The following P2RY14 variants were observed in gnomAD, a reference collection of about 807,000 sequenced individuals.
P2RY14 encodes P2Y purinoceptor 14.
Under a neutral mutation model 0.9 loss-of-function variants are expected in P2RY14, and 2 were observed. That is an observed-to-expected ratio of 2.16 (90% confidence interval 0.88 to 6.79). The LOEUF (loss-of-function observed/expected upper bound fraction) is 6.79, where lower values mean the gene tolerates loss of function less well. Ranked by LOEUF, P2RY14 falls within the 30% of genes most tolerant of loss-of-function variation. P2RY14 has a pLI of 0.05. For synonymous variants in P2RY14, 158 were observed against 147.2 expected (o/e 1.07, Z -0.53); for missense variants, 378 against 400.1 (o/e 0.94, Z 0.47).
intron 1 of P2RY14, among the ~76,000 whole-genome samples, chr3:151,264,077 C>T (rs1739401105): frequency 6.6e-6 from 1 of 152,162 alleles, no homozygotes. Flanking sequence ...AGTAGTTCTA[C>T]TTCATTTCAC....
intron 1 of P2RY14, among the ~76,000 whole-genome samples, chr3:151,219,897 C>G (rs1004173435): frequency 2.9e-5 from 4 of 136,604 alleles, no homozygotes; most frequent in Non-Finnish European, 6.3e-5. Context: ...TATTACCCCC[C>G]CCCCCCCCTT....
intron 1 of P2RY14, among the ~76,000 whole-genome samples, chr3:151,271,819 A>T (rs1473555600): frequency 6.6e-6 from 1 of 152,196 alleles, no homozygotes; most frequent in Non-Finnish European, 1.5e-5. Context: ...TAATACTGGT[A>T]GAACTAAGCT....
chr3:151,242,622 A>G (rs1015092789), intron 1 of P2RY14, among the ~76,000 whole-genome samples: 2 of 152,198 alleles, frequency 1.3e-5, no homozygotes, highest in African/African-American at 4.8e-5. Context: ...TCTGTACATC[A>G]CCATCATCAA....
At chr3:151,261,757 C>T (rs1452267183) in intron 1 of P2RY14, among the ~76,000 whole-genome samples, 1 of 151,738 alleles carries the variant, frequency 6.6e-6, no homozygotes, top group Admixed American at 6.6e-5. Flanking sequence ...CAGAGTCTTG[C>T]TGTGTCATCC....
chr3:151,214,566 C>T (rs138902645), intron 2 of P2RY14, among the ~76,000 whole-genome samples: 2 of 148,528 alleles, frequency 1.3e-5, no homozygotes, highest in African/African-American at 5.0e-5. Flanking sequence ...CCTTTACCCA[C>T]CAACCCCCAC....
intron 1 of P2RY14, among the ~76,000 whole-genome samples, chr3:151,253,271 A>G (rs1362549679): frequency 6.6e-6 from 1 of 152,180 alleles, no homozygotes; most frequent in Non-Finnish European, 1.5e-5. Flanking sequence ...ATTGAGAGGC[A>G]CGTATACTGC....
chr3:151,213,586 A>G lies in P2RY14; in HGVS notation c.731T>C (p.Val244Ala). Residue 244 changes from valine (V) to alanine (A), a missense_variant, in exon 3 of 3, where the codon GTC (valine) becomes GCC (alanine). Physicochemically the swap from Val to Ala is moderately conservative, Grantham distance 64. Coordinates refer to ENST00000309170, the MANE Select transcript of P2RY14 (RefSeq NM_014879.4). ...NIFSIVFVFF[V>A]CFVPYHIARI... ...GGCAATATGGTAAGGTACAAAACAG[A>G]CAAAAAACACAAACACGATGCTGAA... 1 of 1,614,184 alleles carries G rather than the reference A, an allele frequency of 6.2e-7. No individual in the cohort carries two copies. Among genetic ancestry groups the G allele is most frequent in the Non-Finnish European group, 8.5e-7 (1 of 1,180,026 alleles).
intron 1 of P2RY14, among the ~76,000 whole-genome samples, chr3:151,247,792 G>A (rs60449267): frequency 6.6e-6 from 1 of 150,948 alleles, no homozygotes. Flanking sequence ...AAATGAATTA[G>A]GACTTAAGAA....
intron 1 of P2RY14, among the ~76,000 whole-genome samples, chr3:151,258,729 G>A (rs1260940450): frequency 2.0e-5 from 3 of 151,994 alleles, no homozygotes; most frequent in Non-Finnish European, 4.4e-5. Context: ...GTGCATGCCT[G>A]TAGTCCCAGC....
chr3:151,223,085 A>T (rs577011382), intron 1 of P2RY14, among the ~76,000 whole-genome samples: 1 of 152,004 alleles, frequency 6.6e-6, no homozygotes, highest in Admixed American at 6.6e-5. Flanking sequence ...ATGGAGTAAT[A>T]ATCTCAGTGG....
At chr3:151,271,160 T>C (rs1272731480) in intron 1 of P2RY14, among the ~76,000 whole-genome samples, 7 of 152,150 alleles carry the variant, frequency 4.6e-5, no homozygotes, top group Admixed American at 1.3e-4. Flanking sequence ...TAATTTTCAT[T>C]ACTCTATAAT....
At chr3:151,269,839 GA>G in intron 1 of P2RY14, 1 of 446,424 alleles carries the variant, frequency 2.2e-6, no homozygotes, top group Non-Finnish European at 4.4e-6. Context: ...GTCAAACGCA[GA>G]GTAAAGTCAG....
At chr3:151,255,648 C>G (rs758148049) in intron 1 of P2RY14, among the ~76,000 whole-genome samples, 1 of 152,130 alleles carries the variant, frequency 6.6e-6, no homozygotes, top group Non-Finnish European at 1.5e-5. Flanking sequence ...TGAGATGAAA[C>G]CTTTGGCCAT....
chr3:151,257,700 T>C (rs1738086809), intron 1 of P2RY14, among the ~76,000 whole-genome samples: 1 of 152,210 alleles, frequency 6.6e-6, no homozygotes, highest in African/African-American at 2.4e-5. Context: ...CAAGAGATGA[T>C]TTTTTGGAGA....
At chr3:151,277,449 T>C (rs928385312) in intron 1 of P2RY14, among the ~76,000 whole-genome samples, 2 of 152,156 alleles carry the variant, frequency 1.3e-5, no homozygotes, top group African/African-American at 4.8e-5. Context: ...ATTATCAAGT[T>C]TGTATGTTTT....
At chr3:151,231,936 A>C (rs1305161016) in intron 1 of P2RY14, among the ~76,000 whole-genome samples, 1 of 152,178 alleles carries the variant, frequency 6.6e-6, no homozygotes, top group Non-Finnish European at 1.5e-5. Flanking sequence ...TGTTTGTATA[A>C]ACTTGTGTAT....
At chr3:151,238,976 A>G (rs1311850012) in intron 1 of P2RY14, among the ~76,000 whole-genome samples, 2 of 152,204 alleles carry the variant, frequency 1.3e-5, no homozygotes, top group Admixed American at 1.3e-4. Context: ...AACTGAATGA[A>G]CTGAGAGACA....
At position 151,278,392 on chromosome 3, in the gene P2RY14, A is replaced by G. The variant is rs1742259295; in HGVS notation, c.-238T>C. The G allele has an allele frequency of 6.6e-6, 1 of 152,232 alleles. No individual in the cohort carries two copies. The highest frequency in any genetic ancestry group is 1.5e-5 in the Non-Finnish European group (1 of 68,042). 9.4% of individuals were successfully genotyped at this position (152,232 alleles called of 1,614,324 possible). On this transcript the variant is annotated 5_prime_UTR_variant, in exon 1 of 3. Coordinates refer to ENST00000309170, the MANE Select transcript of P2RY14 (RefSeq NM_014879.4). ...GTTACAGAGTTCTTGCTCATCTTCA[A>G]CTACGGATGAAAATCAGGAACTTGA...
At chr3:151,248,282 A>C (rs1193540518) in intron 1 of P2RY14, among the ~76,000 whole-genome samples, 1 of 152,174 alleles carries the variant, frequency 6.6e-6, no homozygotes, top group African/African-American at 2.4e-5. Flanking sequence ...CTTTCCTTTG[A>C]AAATAAATTG....
Sources: allele counts gnomAD v4.1 joint callset (sites outside exome capture counted in the v4.1 genomes callset), GRCh38; gene constraint gnomAD v4.1.1; transcripts MANE v1.5; gene names NCBI Gene and HGNC (gene_info 2026-07-23, HGNC 2026-07-21).